Variants in UGT1A10 observed in about 807,000 individuals in gnomAD.
UGT1A10 encodes the protein UDP-glucuronosyltransferase 1A10.
A neutral mutation model predicts 45.8 loss-of-function variants in UGT1A10; 49 were observed. That is an observed-to-expected ratio of 1.07 (90% CI 0.85 to 1.36). The LOEUF is 1.36. Among genes scored for constraint, UGT1A10 ranks in the 40% most tolerant of loss-of-function variants. UGT1A10 has a pLI of 0.00. For synonymous variants in UGT1A10, 284 were observed against 249.7 expected, an observed-to-expected ratio of 1.14 and a Z score of -1.29; for missense variants, 745 against 668.6, an observed-to-expected ratio of 1.11 and a Z score of -1.26.
At chr2:233,713,299 C>T in intron 1 of UGT1A10, 2 of 1,614,232 alleles carry the variant, frequency 1.2e-6, no homozygotes, top group Non-Finnish European at 1.7e-6. Context: ...TTCTTTGAAA[C>T]AGAACATCTT....
intron 1 of UGT1A10, among the ~76,000 whole-genome samples, chr2:233,703,679 T>A (rs1325458220): frequency 1.3e-5 from 2 of 152,114 alleles, no homozygotes; most frequent in Non-Finnish European, 2.9e-5. Flanking sequence ...CATGATATAT[T>A]TTTTTTCCAC....
At chr2:233,690,801 C>T (rs1206696679) in intron 1 of UGT1A10, 10 of 1,103,586 alleles carry the variant, frequency 9.1e-6, no homozygotes, top group Non-Finnish European at 1.1e-5. Flanking sequence ...ACACACACAC[C>T]ATTCTTAGTA....
intron 1 of UGT1A10, among the ~76,000 whole-genome samples, chr2:233,717,495 T>C (rs979410742): frequency 1.3e-5 from 2 of 152,220 alleles, no homozygotes; most frequent in Admixed American, 6.5e-5. Flanking sequence ...CTGTTATCAA[T>C]GTGGATTTCT....
chr2:233,729,769 C>T (rs760048643), intron 1 of UGT1A10: 6 of 1,614,014 alleles, frequency 3.7e-6, no homozygotes, highest in East Asian at 2.2e-5. Flanking sequence ...CAAGAACATG[C>T]TCTACCCTCT....
In UGT1A10 at chr2:233,758,028, C is replaced by A. The variant is rs116537239; in HGVS notation, c.856-9006C>A. 3.8e-3 allele frequency among the ~76,000 whole-genome samples: 585 copies of A among 152,248 alleles called. 2 individuals are homozygous for A. Among genetic ancestry groups the A allele is most frequent in the African/African-American group, 0.013 (559 of 41,526 alleles). On this transcript the variant is annotated intron_variant, in intron 1 of 4. Coordinates refer to ENST00000344644, the MANE Select transcript of UGT1A10 (RefSeq NM_019075.4). ...CATGAGTTTGTCTCTGTCTACCTGA[C>A]CCCTCCTTTCAGGCAAGGACCATTT...
intron 1 of UGT1A10, chr2:233,761,159 T>C: frequency 6.2e-7 from 1 of 1,614,228 alleles, no homozygotes; most frequent in Non-Finnish European, 8.5e-7. Flanking sequence ...CAGGTGTGTA[T>C]TGGAGTGGGA....
intron 1 of UGT1A10, chr2:233,719,472 C>G: frequency 6.2e-7 from 1 of 1,614,022 alleles, no homozygotes; most frequent in Non-Finnish European, 8.5e-7. Context: ...GCTCTACCCT[C>G]TGGCCCTGTC....
chr2:233,768,589 T>C (rs1575835871), intron 4 of UGT1A10, 150 bp downstream of exon 4: 6 of 1,048,606 alleles, frequency 5.7e-6, no homozygotes, highest in East Asian at 7.5e-5. Flanking sequence ...CTTCTTTTTT[T>C]TTTTTTTTTT....
At chr2:233,730,703 G>A (rs1238430007) in intron 1 of UGT1A10, among the ~76,000 whole-genome samples, 8 of 152,058 alleles carry the variant, frequency 5.3e-5, no homozygotes, top group Non-Finnish European at 8.8e-5. Flanking sequence ...TCTTCTACTT[G>A]GAATGCTGAA....
chr2:233,678,654 A>C (rs1240752481), intron 1 of UGT1A10, among the ~76,000 whole-genome samples: 4 of 152,122 alleles, frequency 2.6e-5, no homozygotes, highest in African/African-American at 9.7e-5. Context: ...AATTGGAAGC[A>C]TTTCTATGAG....
rs767252152 is a variant in UGT1A10 at position 233,682,228 on chromosome 2, C to A, written c.855+44851C>A. 297 of 1,614,236 alleles carry A rather than the reference C, an allele frequency of 1.8e-4. 2 individuals carry two copies. The South Asian group carries it at 3.1e-3, about 17-fold the overall frequency. On this transcript the variant is annotated intron_variant, in intron 1 of 4. Coordinates refer to ENST00000344644, the MANE Select transcript of UGT1A10 (RefSeq NM_019075.4). ...AGTTCATGGTTTTTGCCGATGCTCG[C>A]TGGACGGCACCATTGCGAAGTGCAT... is the stretch of plus-strand genomic sequence containing the variant.
chr2:233,638,963 A>G (rs1033606965), intron 1 of UGT1A10, among the ~76,000 whole-genome samples: 7 of 152,220 alleles, frequency 4.6e-5, no homozygotes, highest in African/African-American at 1.7e-4. Context: ...GTTATCCTCC[A>G]TTAATTACAG....
chr2:233,673,438 C>T (rs17862857), intron 1 of UGT1A10, among the ~76,000 whole-genome samples: 28,700 of 151,924 alleles, frequency 0.19, 2,864 homozygotes, highest in Non-Finnish European at 0.23. Context: ...GCCGTGTAAA[C>T]ACTCTTTAAT....
intron 1 of UGT1A10, among the ~76,000 whole-genome samples, chr2:233,644,577 TA>T (rs2073550046): frequency 6.6e-6 from 1 of 151,680 alleles, no homozygotes; most frequent in South Asian, 2.1e-4. Context: ...TAAGAATAAA[TA>T]AATAAATAAA....
In UGT1A10 at chr2:233,637,202, C is replaced by T; in HGVS notation, c.680C>T (p.Ala227Val). ...TTTTGCCAGTATCTTTTTAGAAATG[C>T]CCTAGAAATAGCCTCTGAAATTCTC... ...HLFCQYLFRNALEIASEILQT... is the reference protein window; with the variant it reads ...HLFCQYLFRNVLEIASEILQT... Residue 227 changes from alanine to valine, a missense_variant, in exon 1 of 5, where the codon GCC becomes GTC. Transcript: ENST00000344644. The T allele has an allele frequency of 6.2e-7, 1 of 1,613,920 alleles. No individual in the cohort carries two copies. The highest frequency in any genetic ancestry group is 8.5e-7 in the Non-Finnish European group (1 of 1,179,854).
chr2:233,748,133 A>G (rs1199962839), intron 1 of UGT1A10: 2 of 1,609,694 alleles, frequency 1.2e-6, no homozygotes, highest in Non-Finnish European at 1.7e-6. Context: ...AGTTTTTAAA[A>G]ATTGTATTTA....
intron 1 of UGT1A10, among the ~76,000 whole-genome samples, chr2:233,668,444 C>G (rs1047347844): frequency 6.6e-6 from 1 of 152,176 alleles, no homozygotes; most frequent in African/African-American, 2.4e-5. Flanking sequence ...TTTTCTTAAT[C>G]CAGTCTACCA....
At chr2:233,766,162 G>A (rs1699058269) in intron 1 of UGT1A10, among the ~76,000 whole-genome samples, 1 of 152,198 alleles carries the variant, frequency 6.6e-6, no homozygotes, top group Non-Finnish European at 1.5e-5. Context: ...TGGAGAATGA[G>A]TGCAAGGATT....
intron 1 of UGT1A10, among the ~76,000 whole-genome samples, chr2:233,757,344 G>C (rs1023299797): frequency 6.6e-6 from 1 of 150,900 alleles, no homozygotes; most frequent in Non-Finnish European, 1.5e-5. Flanking sequence ...ATGACAGCTG[G>C]GTCTGAGAGA....
Sources: gnomAD v4.1 joint callset for allele counts (sites outside exome capture counted in the v4.1 genomes callset) on GRCh38, gnomAD v4.1.1 for gene constraint, MANE v1.5 for transcripts, NCBI Gene and HGNC (gene_info 2026-07-23, HGNC 2026-07-21) for gene names.